Variants in FGF14 observed in about 807,000 individuals in gnomAD.
FGF14 encodes fibroblast growth factor 14, also known as fibroblast growth factor homologous factor 4.
In FGF14, 5 loss-of-function variants were observed where a neutral mutation model predicts 25.5. That is an observed-to-expected ratio of 0.20 (90% CI 0.10 to 0.41). The LOEUF is 0.41. FGF14 is among the 10% of genes least tolerant of loss of function. The pLI is 1.00. For missense variants in FGF14, 222 were observed against 320.1 expected (o/e 0.69, Z 2.34); for synonymous variants, 138 against 118.3 (o/e 1.17, Z -1.08).
At chr13:101,845,227 C>G (rs1167055180) in intron 3 of FGF14, among the ~76,000 whole-genome samples, 2 of 152,034 alleles carry the variant, frequency 1.3e-5, no homozygotes, top group African/African-American at 2.4e-5. Context: ...GTCACAACAG[C>G]TATCACAGTC....
intron 1 of FGF14, among the ~76,000 whole-genome samples, chr13:101,987,681 G>C (rs1447524111): frequency 6.6e-6 from 1 of 152,014 alleles, no homozygotes; most frequent in Non-Finnish European, 1.5e-5. Context: ...TCAGTACCTA[G>C]AGCAATGTTC....
intron 1 of FGF14, among the ~76,000 whole-genome samples, chr13:102,355,632 C>T (rs1253162270): frequency 6.6e-6 from 1 of 150,594 alleles, no homozygotes; most frequent in Non-Finnish European, 1.5e-5. Context: ...TTCATACAAG[C>T]ATGAGGTATT....
chr13:102,041,826 T>A (rs994579470), intron 1 of FGF14, among the ~76,000 whole-genome samples: 2 of 152,160 alleles, frequency 1.3e-5, no homozygotes, highest in African/African-American at 4.8e-5. Flanking sequence ...TAGGTGAAAG[T>A]TCTTTCAGAT....
At chr13:101,927,777 C>T (rs1343951612) in intron 1 of FGF14, among the ~76,000 whole-genome samples, 1 of 152,168 alleles carries the variant, frequency 6.6e-6, no homozygotes, top group Non-Finnish European at 1.5e-5. Context: ...CTACACACTC[C>T]TGGCTTTCCC....
rs1366960540 is a variant in FGF14 at position 101,875,226 on chromosome 13, A to G, written c.264T>C (p.Asp88=). Residue 88 remains aspartate, a synonymous_variant, in exon 2 of 5, where the codon GAT becomes GAC. Coordinates refer to ENST00000376143, the MANE Select transcript of FGF14 (RefSeq NM_004115.4). Reference sequence around the variant, plus strand: ...CATCCTTGGTTCCATCGAGAGCTCCATCGGGGTGCATTTGCAAGTAGTAGC... The same window carrying G: ...CATCCTTGGTTCCATCGAGAGCTCCGTCGGGGTGCATTTGCAAGTAGTAGC... ...RQGYYLQMHP[D]GALDGTKDDS... 2.5e-6 allele frequency: 4 copies of G among 1,613,430 alleles called. No individual in the cohort carries two copies. The Admixed American group carries it at 6.7e-5, about 27-fold the overall frequency.
In FGF14 at chr13:102,400,098, G is replaced by A. The variant is rs1327513003; in HGVS notation, c.208+1373C>T. On this transcript the variant is annotated intron_variant, in intron 1 of 4. Coordinates refer to the FGF14 transcript ENST00000376131. This position sits in a 1 kb window ranked among gnomAD's most constrained non-coding sequence, Gnocchi z 4.3. ...CCTCTGCCTCGCGCTGCACCCGCAG[G>A]CGGCAGACCCCTCGGAGCGCGCCAC... Among the ~76,000 whole-genome samples the A allele has an allele frequency of 6.6e-6, 1 of 151,124 alleles. No homozygotes were observed. Among genetic ancestry groups the A allele is most frequent in the East Asian group, 2.1e-4 (1 of 4,874 alleles).
chr13:101,847,557 T>C (rs149223399), intron 3 of FGF14, among the ~76,000 whole-genome samples: 111 of 152,250 alleles, frequency 7.3e-4, no homozygotes, highest in Middle Eastern at 6.8e-3. Context: ...CATGTCTGTA[T>C]AGACAAAAAC....
At chr13:101,922,710 A>G (rs2034088408) in intron 1 of FGF14, among the ~76,000 whole-genome samples, 1 of 152,086 alleles carries the variant, frequency 6.6e-6, no homozygotes, top group African/African-American at 2.4e-5. Flanking sequence ...TGAATTGATT[A>G]TTAAATTTTT....
chr13:101,850,665 A>C (rs569454572), intron 3 of FGF14, among the ~76,000 whole-genome samples: 1 of 143,502 alleles, frequency 7.0e-6, no homozygotes, highest in African/African-American at 2.5e-5. Flanking sequence ...TATATTCTAT[A>C]TAGAGAATAG....
At chr13:102,277,406 C>T (rs1232071270) in intron 1 of FGF14, among the ~76,000 whole-genome samples, 1 of 152,238 alleles carries the variant, frequency 6.6e-6, no homozygotes, top group African/African-American at 2.4e-5. Flanking sequence ...GCACTCAATG[C>T]CCTCCCTCCC....
At chr13:102,133,453 T>A (rs564009022) in intron 1 of FGF14, among the ~76,000 whole-genome samples, 1 of 152,304 alleles carries the variant, frequency 6.6e-6, no homozygotes, top group Admixed American at 6.5e-5. Context: ...TTTAAGTATG[T>A]ATATATATTA....
intron 3 of FGF14, among the ~76,000 whole-genome samples, chr13:101,788,168 G>T: frequency 6.6e-6 from 1 of 152,074 alleles, no homozygotes; most frequent in East Asian, 1.9e-4. Context: ...CACCACCCCT[G>T]CCCCCTGCCC....
chr13:101,875,725 T>C (rs2045353718), intron 1 of FGF14, among the ~76,000 whole-genome samples: 1 of 152,114 alleles, frequency 6.6e-6, no homozygotes, highest in Admixed American at 6.6e-5. Flanking sequence ...AGTTGACAAG[T>C]ATTCCCAAAA....
chr13:101,994,918 C>T (rs2039100055), intron 1 of FGF14, among the ~76,000 whole-genome samples: 1 of 151,972 alleles, frequency 6.6e-6, no homozygotes, highest in Non-Finnish European at 1.5e-5. Flanking sequence ...CATATGCATA[C>T]ATATAATGCA....
chr13:102,012,414 C>T (rs73571556), intron 1 of FGF14, among the ~76,000 whole-genome samples: 444 of 152,222 alleles, frequency 2.9e-3, no homozygotes, highest in African/African-American at 0.01. Flanking sequence ...TTTGTTATGT[C>T]TGGGCCTTTG....
At chr13:101,737,763 G>A (rs561903703) in intron 3 of FGF14, among the ~76,000 whole-genome samples, 1 of 152,078 alleles carries the variant, frequency 6.6e-6, no homozygotes, top group Non-Finnish European at 1.5e-5. Context: ...AGGCCTATGT[G>A]TACATGCATA....
At chr13:102,369,652 A>G (rs2057818252) in intron 1 of FGF14, among the ~76,000 whole-genome samples, 1 of 152,188 alleles carries the variant, frequency 6.6e-6, no homozygotes, top group Admixed American at 6.5e-5. Context: ...AAGACCTCAC[A>G]CAAGACCTCA....
intron 1 of FGF14, among the ~76,000 whole-genome samples, chr13:102,080,629 C>CA (rs1393902220): frequency 2.0e-5 from 3 of 152,132 alleles, no homozygotes; most frequent in African/African-American, 7.2e-5. Context: ...AAGCTATTTT[C>CA]AAAAGTGCTG....
chr13:102,034,831 A>C (rs1044833737), intron 1 of FGF14, among the ~76,000 whole-genome samples: 2 of 152,098 alleles, frequency 1.3e-5, no homozygotes, highest in African/African-American at 4.8e-5. Flanking sequence ...CTGCTGGAGT[A>C]AATGTATGGC....
Sources: gnomAD v4.1 joint callset for allele counts (sites outside exome capture counted in the v4.1 genomes callset) on GRCh38, gnomAD v4.1.1 for gene constraint, Gnocchi (gnomAD v3.1) non-coding constraint, MANE v1.5 for transcripts, NCBI Gene and HGNC (gene_info 2026-07-23, HGNC 2026-07-21) for gene names.